The following MB21D2 variants were observed in gnomAD, a reference collection of about 807,000 sequenced individuals.
MB21D2 encodes Mab-21 domain containing 2, also known as nucleotidyltransferase MB21D2.
Under a neutral mutation model 33.3 loss-of-function variants are expected in MB21D2, and 9 were observed. The ratio of observed to expected loss-of-function variants is 0.27; its 90% CI spans 0.16 to 0.47. The LOEUF is 0.47. MB21D2 is among the 20% of genes least tolerant of loss of function. The pLI, the probability that MB21D2 is intolerant of heterozygous loss-of-function variation, is 0.99. For synonymous variants in MB21D2, 241 were observed against 236.3 expected, an observed-to-expected ratio of 1.02 and a Z score of -0.18; for missense variants, 540 against 624.6, an observed-to-expected ratio of 0.86 and a Z score of 1.44.
chr3:192,913,893 C>T (rs1410403462), intron 1 of MB21D2, among the ~76,000 whole-genome samples: 1 of 152,092 alleles, frequency 6.6e-6, no homozygotes, highest in Non-Finnish European at 1.5e-5. Context: ...GGGAATGAAA[C>T]TATAGATTTT....
intron 1 of MB21D2, among the ~76,000 whole-genome samples, chr3:192,896,146 A>G (rs1330687293): frequency 6.6e-6 from 1 of 152,170 alleles, no homozygotes; most frequent in Non-Finnish European, 1.5e-5. Flanking sequence ...ATCCTCTACA[A>G]AACCTTTTTA....
intron 1 of MB21D2, among the ~76,000 whole-genome samples, chr3:192,864,936 T>C (rs961358693): frequency 2.6e-5 from 4 of 152,186 alleles, no homozygotes; most frequent in South Asian, 4.1e-4. Flanking sequence ...TATACCCACC[T>C]TGCAGTTTCA....
At chr3:192,886,193 C>T (rs1577196459) in intron 1 of MB21D2, among the ~76,000 whole-genome samples, 1 of 152,104 alleles carries the variant, frequency 6.6e-6, no homozygotes, top group African/African-American at 2.4e-5. Flanking sequence ...CTCCTGACCT[C>T]GTGATCCACT....
At chr3:192,883,345 C>G (rs1427367175) in intron 1 of MB21D2, among the ~76,000 whole-genome samples, 1 of 152,076 alleles carries the variant, frequency 6.6e-6, no homozygotes, top group Non-Finnish European at 1.5e-5. Context: ...ATGTTTAAAA[C>G]TTTTTAAAAA....
chr3:192,848,600 ATAC>A (rs1344938987), intron 1 of MB21D2, among the ~76,000 whole-genome samples: 1 of 152,258 alleles, frequency 6.6e-6, no homozygotes, highest in Non-Finnish European at 1.5e-5. Flanking sequence ...GACTAACAGT[ATAC>A]TACTGGTCAT....
intron 1 of MB21D2, among the ~76,000 whole-genome samples, chr3:192,839,559 A>G (rs933738631): frequency 5.3e-5 from 8 of 152,350 alleles, no homozygotes; most frequent in Non-Finnish European, 1.2e-4. Flanking sequence ...ACATAAATAT[A>G]GAAGTTTCTG....
intron 1 of MB21D2, among the ~76,000 whole-genome samples, chr3:192,826,781 T>C (rs1712181496): frequency 2.0e-5 from 3 of 152,164 alleles, no homozygotes; most frequent in African/African-American, 7.2e-5. Flanking sequence ...CACTTTTTTC[T>C]AGACACAGAG....
In MB21D2 at chr3:192,799,055, A is replaced by G; in HGVS notation, c.807T>C (p.Ser269=). ...DGKITEEEVI[S]GFYLVPACSY... is the part of the protein sequence containing the mutation. Reference sequence around the variant, plus strand: ...AGCAAGCAGGCACCAAGTAAAACCCACTGATGACCTCTTCCTCAGTAATCT... The same window carrying G: ...AGCAAGCAGGCACCAAGTAAAACCCGCTGATGACCTCTTCCTCAGTAATCT... The change falls in exon 2 of 2, where the codon AGT becomes AGC. Residue 269 remains serine, a synonymous_variant. Transcript: ENST00000392452. The surrounding 1 kb of genome is among the most constrained non-coding windows in gnomAD (Gnocchi z 4.1). The G allele has an allele frequency of 6.2e-7, 1 of 1,614,038 alleles. No individual in the cohort carries two copies. The highest frequency in any genetic ancestry group is 8.5e-7 in the Non-Finnish European group (1 of 1,179,984).
intron 1 of MB21D2, among the ~76,000 whole-genome samples, chr3:192,904,238 C>T (rs1714160497): frequency 6.6e-6 from 1 of 152,116 alleles, no homozygotes; most frequent in African/African-American, 2.4e-5. Flanking sequence ...AGCAGGACAC[C>T]GGGTTCTAGT....
At chr3:192,906,076 G>A (rs1230855573) in intron 1 of MB21D2, among the ~76,000 whole-genome samples, 2 of 152,160 alleles carry the variant, frequency 1.3e-5, no homozygotes, top group African/African-American at 4.8e-5. Flanking sequence ...TGTAAATTGT[G>A]GAGGACTAGA....
intron 1 of MB21D2, among the ~76,000 whole-genome samples, chr3:192,879,895 A>T (rs1324367138): frequency 2.6e-5 from 4 of 152,168 alleles, no homozygotes; most frequent in African/African-American, 7.2e-5. Flanking sequence ...CAAACCTCTG[A>T]CAAGGAGTAG....
chr3:192,808,338 G>C (rs1444553838), intron 1 of MB21D2, among the ~76,000 whole-genome samples: 1 of 152,124 alleles, frequency 6.6e-6, no homozygotes, highest in Admixed American at 6.5e-5. Context: ...TAAGGTCCTA[G>C]CCAAAATGCA....
At chr3:192,824,875 G>A (rs1712141404) in intron 1 of MB21D2, among the ~76,000 whole-genome samples, 1 of 152,118 alleles carries the variant, frequency 6.6e-6, no homozygotes, top group Admixed American at 6.6e-5. Flanking sequence ...TATAGAAAAG[G>A]TGCGCAGAAA....
chr3:192,829,614 G>A (rs931679472), intron 1 of MB21D2, among the ~76,000 whole-genome samples: 1 of 152,118 alleles, frequency 6.6e-6, no homozygotes, highest in South Asian at 2.1e-4. Context: ...GTTTATGTTT[G>A]TATGTATGTA....
chr3:192,849,319 G>GGA (rs1553858346), intron 1 of MB21D2, among the ~76,000 whole-genome samples: 4 of 134,240 alleles, frequency 3.0e-5, no homozygotes, highest in Non-Finnish European at 3.3e-5. Context: ...CTTTTTTTGG[G>GGA]GGGGGGGCGG....
intron 1 of MB21D2, among the ~76,000 whole-genome samples, chr3:192,853,947 T>A (rs991866629): frequency 1.3e-5 from 2 of 152,212 alleles, no homozygotes; most frequent in Non-Finnish European, 2.9e-5. Context: ...ACACTCATAG[T>A]GTGTTCTGAC....
At position 192,798,371 on chromosome 3, in the gene MB21D2, A is replaced by T; in HGVS notation, c.*15T>A. The T allele has an allele frequency of 1.2e-6, 2 of 1,609,436 alleles. No individual in the cohort carries two copies. Among genetic ancestry groups the T allele is most frequent in the East Asian group, 4.5e-5 (2 of 44,820 alleles). On this transcript the variant is annotated 3_prime_UTR_variant, in exon 2 of 2. Transcript: ENST00000392452. This position sits in a 1 kb window ranked among gnomAD's most constrained non-coding sequence, Gnocchi z 4.8. ...CAGAGTTTAAGAATCAGGAAAAAAA[A>T]AAGTCAGCTAACACTCAGAAAAATT...
At chr3:192,824,793 A>G (rs115070925) in intron 1 of MB21D2, among the ~76,000 whole-genome samples, 79 of 152,232 alleles carry the variant, frequency 5.2e-4, no homozygotes, top group Non-Finnish European at 7.2e-4. Context: ...ACTCCAATTT[A>G]TTTCCACTTC....
chr3:192,859,175 C>T (rs141092236), intron 1 of MB21D2, among the ~76,000 whole-genome samples: 64 of 152,242 alleles, frequency 4.2e-4, no homozygotes, highest in Non-Finnish European at 6.5e-4. Context: ...CAGAGCAAAT[C>T]GTGTTTCACC....
Sources: gnomAD v4.1 joint callset for allele counts (sites outside exome capture counted in the v4.1 genomes callset) on GRCh38, gnomAD v4.1.1 for gene constraint, Gnocchi (gnomAD v3.1) non-coding constraint, MANE v1.5 for transcripts, NCBI Gene and HGNC (gene_info 2026-07-23, HGNC 2026-07-21) for gene names.